The following PCDH11X variants were observed in gnomAD, a reference collection of about 807,000 sequenced individuals.
PCDH11X encodes protocadherin-11 X-linked.
Under a neutral mutation model 53.3 loss-of-function variants are expected in PCDH11X, and 18 were observed. The observed-to-expected ratio is 0.34, with a 90% CI of 0.23 to 0.50. The LOEUF (loss-of-function observed/expected upper bound fraction) is 0.50. PCDH11X is among the 20% of genes least tolerant of loss of function. The pLI is 0.98. For missense variants in PCDH11X, 570 were observed against 1,032.4 expected, an observed-to-expected ratio of 0.55 and a Z score of 6.14; for synonymous variants, 279 against 393.3, an observed-to-expected ratio of 0.71 and a Z score of 3.44.
At chrX:92,238,496 A>C (rs780367628) in intron 7 of PCDH11X, among the ~76,000 whole-genome samples, 1 of 110,980 alleles carries the variant, frequency 9.0e-6, no homozygotes, top group South Asian at 3.8e-4. Context: ...GTGGGAGTTT[A>C]AGGAAAAAAA....
chrX:92,540,446 C>G (rs2074736640), intron 10 of PCDH11X, among the ~76,000 whole-genome samples: 1 of 106,996 alleles, frequency 9.3e-6, no homozygotes, highest in South Asian at 4.3e-4. Flanking sequence ...TATGACACGC[C>G]TTTCAAGGCA....
chrX:92,067,720 A>T (rs1268516958), intron 6 of PCDH11X, among the ~76,000 whole-genome samples: 1 of 111,235 alleles, frequency 9.0e-6, no homozygotes, highest in Non-Finnish European at 1.9e-5. Flanking sequence ...TTTTTTGAAA[A>T]GTTTGAGTAG....
intron 6 of PCDH11X, among the ~76,000 whole-genome samples, chrX:92,071,737 G>A (rs2063705029): frequency 1.8e-5 from 2 of 111,467 alleles, no homozygotes; most frequent in Non-Finnish European, 3.8e-5. Flanking sequence ...TCACCAGGCA[G>A]AGAGTATGCT....
At chrX:92,437,156 T>C (rs1347732586) in intron 9 of PCDH11X, among the ~76,000 whole-genome samples, 1 of 110,036 alleles carries the variant, frequency 9.1e-6, no homozygotes, top group Non-Finnish European at 1.9e-5. Context: ...AATTTGAAAA[T>C]GAAAATATGA....
chrX:91,825,276 C>T (rs761140769), intron 4 of PCDH11X, among the ~76,000 whole-genome samples: 2 of 110,519 alleles, frequency 1.8e-5, no homozygotes, highest in South Asian at 3.8e-4. Flanking sequence ...CCCCCAGCCT[C>T]GCTGCCACCT....
chrX:92,144,138 A>G (rs1192769123), intron 6 of PCDH11X, among the ~76,000 whole-genome samples: 2 of 111,020 alleles, frequency 1.8e-5, no homozygotes, highest in Non-Finnish European at 3.8e-5. Flanking sequence ...GCTTTTGATT[A>G]TATAGGCTCA....
At chrX:92,440,817 C>T (rs1244549806) in intron 9 of PCDH11X, among the ~76,000 whole-genome samples, 3 of 111,038 alleles carry the variant, frequency 2.7e-5, no homozygotes, top group Non-Finnish European at 5.7e-5. Flanking sequence ...AATGTGGAAG[C>T]AACTTTGGAA....
intron 6 of PCDH11X, among the ~76,000 whole-genome samples, chrX:92,171,384 T>C (rs1304237366): frequency 9.1e-6 from 1 of 110,284 alleles, no homozygotes; most frequent in Non-Finnish European, 1.9e-5. Context: ...TTTTCAAGAC[T>C]TTTTTGGCTA....
intron 8 of PCDH11X, among the ~76,000 whole-genome samples, chrX:92,292,813 G>A: frequency 9.0e-6 from 1 of 111,695 alleles, no homozygotes; most frequent in Non-Finnish European, 1.9e-5. Flanking sequence ...TGCAGTGAAA[G>A]TCCAGCAATG....
intron 6 of PCDH11X, among the ~76,000 whole-genome samples, chrX:92,132,394 G>A (rs182366024): frequency 3.1e-5 from 3 of 97,461 alleles, no homozygotes; most frequent in East Asian, 6.4e-4. Flanking sequence ...TGGATCAAGA[G>A]GTCAAGAGAT....
chrX:92,382,318 G>C, intron 8 of PCDH11X, among the ~76,000 whole-genome samples: 1 of 111,244 alleles, frequency 9.0e-6, no homozygotes, highest in Non-Finnish European at 1.9e-5. Context: ...GATTGGGTTA[G>C]AGTGTATTAG....
In PCDH11X at chrX:92,253,455, G is replaced by A. The variant is rs1603233431; in HGVS notation, c.3115-9659G>A. Among the ~76,000 whole-genome samples, 7 of 111,145 alleles carry A rather than the reference G, an allele frequency of 6.3e-5. No homozygotes were observed. The South Asian group carries it at 2.6e-3, about 42-fold the overall frequency. On this transcript the variant is annotated intron_variant, in intron 7 of 10. Transcript: ENST00000682573. ...GTGGTTCCATATAAATTTTAGAATT[G>A]TTTTTTCTCTTTCTGTGAAGAATGT...
At chrX:92,004,577 A>G (rs2062563784) in intron 6 of PCDH11X, among the ~76,000 whole-genome samples, 1 of 109,912 alleles carries the variant, frequency 9.1e-6, no homozygotes. Context: ...GTGTACATAT[A>G]TATTTAAAAT....
At chrX:92,597,863 A>G (rs1280663922) in intron 10 of PCDH11X, among the ~76,000 whole-genome samples, 1 of 111,472 alleles carries the variant, frequency 9.0e-6, no homozygotes, top group African/African-American at 3.3e-5. Context: ...AGAACCTACA[A>G]ACAAATCCAA....
intron 10 of PCDH11X, among the ~76,000 whole-genome samples, chrX:92,605,083 A>G (rs1257748567): frequency 9.3e-6 from 1 of 106,971 alleles, no homozygotes; most frequent in South Asian, 4.0e-4. Context: ...GAACTAGCAG[A>G]CATGTATCTG....
At chrX:92,066,244 GTTA>G (rs1470227909) in intron 6 of PCDH11X, among the ~76,000 whole-genome samples, 1 of 89,472 alleles carries the variant, frequency 1.1e-5, no homozygotes, top group African/African-American at 4.2e-5. Context: ...TGCTGTTTTG[GTTA>G]TTATAGCTTC....
intron 10 of PCDH11X, among the ~76,000 whole-genome samples, chrX:92,577,334 G>C (rs1398119139): frequency 9.2e-6 from 1 of 109,109 alleles, no homozygotes; most frequent in Non-Finnish European, 1.9e-5. Context: ...TATGTGCATA[G>C]AGGTGTTTAT....
chrX:92,117,586 G>A (rs1289993302), intron 6 of PCDH11X, among the ~76,000 whole-genome samples: 1 of 111,519 alleles, frequency 9.0e-6, no homozygotes, highest in Non-Finnish European at 1.9e-5. Context: ...AAAGGCCATA[G>A]ACTAATTTTT....
rs180712399 is a variant in PCDH11X at position 92,516,789 on chromosome X, G to A, written c.3367+48467G>A. ...AATAAAACACACAATGTCAAACGAC[G>A]ACAACAACCTCAACCACAAACACAA... On this transcript the variant is annotated intron_variant, in intron 10 of 10. Coordinates refer to ENST00000682573, the MANE Select transcript of PCDH11X (RefSeq NM_032968.5). 7.2e-3 allele frequency among the ~76,000 whole-genome samples: 802 copies of A among 111,973 alleles called. 7 individuals carry two copies. The highest frequency in any genetic ancestry group is 0.025 in the African/African-American group (757 of 30,822).
Sources: allele counts gnomAD v4.1 joint callset (sites outside exome capture counted in the v4.1 genomes callset), GRCh38; gene constraint gnomAD v4.1.1; transcripts MANE v1.5; gene names NCBI Gene and HGNC (gene_info 2026-07-23, HGNC 2026-07-21).